The following NKAIN3 variants were observed in gnomAD, a reference collection of about 807,000 sequenced individuals.
NKAIN3 encodes sodium/potassium-transporting ATPase subunit beta-1-interacting protein 3.
In NKAIN3, 25 loss-of-function variants were observed where a neutral mutation model predicts 30.2. The observed-to-expected ratio is 0.83, with a 90% confidence interval of 0.60 to 1.16. The LOEUF (loss-of-function observed/expected upper bound fraction) is 1.16, where lower values mean the gene tolerates loss of function less well. Among genes scored for constraint, NKAIN3 ranks in the 50% most tolerant of loss-of-function variants. The probability of loss-of-function intolerance (pLI) is 0.00; values close to 1 mark genes in which losing one functional copy is unlikely to be tolerated. For synonymous variants in NKAIN3, 91 were observed against 89.6 expected (o/e 1.02, Z -0.09); for missense variants, 225 against 254.1 (o/e 0.89, Z 0.78).
chr8:62,800,776 G>A (rs1286630702), intron 4 of NKAIN3, among the ~76,000 whole-genome samples: 1 of 152,192 alleles, frequency 6.6e-6, no homozygotes, highest in African/African-American at 2.4e-5. Context: ...AGGTCAGTAG[G>A]TGCAGTGCAC....
rs111577491 is a variant in NKAIN3, at chr8:62,681,102, C to T, written c.274-65830C>T. On this transcript the variant is annotated intron_variant, in intron 3 of 6. Coordinates refer to ENST00000623646, the MANE Select transcript of NKAIN3 (RefSeq NM_001304533.3). The stretch of plus-strand genomic sequence containing the variant: ...GAATCATGCCATACCACACCTGAAT[C>T]GTCCCACTTGATTAGAGCAACCATT... Among the ~76,000 whole-genome samples, 442 of 152,248 alleles carry T rather than the reference C, an allele frequency of 2.9e-3. 4 individuals are homozygous for T. Among genetic ancestry groups the T allele is most frequent in the African/African-American group, 0.01 (422 of 41,542 alleles).
intron 5 of NKAIN3, among the ~76,000 whole-genome samples, chr8:62,944,947 A>G (rs553750338): frequency 2.6e-4 from 40 of 152,296 alleles, no homozygotes; most frequent in Non-Finnish European, 5.1e-4. Flanking sequence ...TTGTTCACAG[A>G]AAAAATACAA....
At chr8:62,790,797 C>T (rs1488778310) in intron 4 of NKAIN3, among the ~76,000 whole-genome samples, 1 of 152,022 alleles carries the variant, frequency 6.6e-6, no homozygotes, top group Non-Finnish European at 1.5e-5. Context: ...ATAAGTGCTA[C>T]TCACAGTGAT....
chr8:62,691,809 T>C (rs549725757), intron 3 of NKAIN3, among the ~76,000 whole-genome samples: 1 of 152,298 alleles, frequency 6.6e-6, no homozygotes, highest in South Asian at 2.1e-4. Context: ...AGCTATTTAA[T>C]GTGGCTGCAA....
At chr8:62,493,165 T>A (rs1363651534) in intron 1 of NKAIN3, among the ~76,000 whole-genome samples, 1 of 152,022 alleles carries the variant, frequency 6.6e-6, no homozygotes, top group East Asian at 1.9e-4. Flanking sequence ...TCTTCCAGGG[T>A]TTTTATAGTT....
chr8:62,929,569 G>A (rs990780334), intron 5 of NKAIN3, among the ~76,000 whole-genome samples: 4 of 152,076 alleles, frequency 2.6e-5, no homozygotes, highest in African/African-American at 9.7e-5. Context: ...AAAGTTTCAG[G>A]GAAACAGGTG....
intron 3 of NKAIN3, among the ~76,000 whole-genome samples, chr8:62,623,569 A>C (rs1364937998): frequency 6.6e-6 from 1 of 152,058 alleles, no homozygotes; most frequent in Non-Finnish European, 1.5e-5. Context: ...TGTTTTACTC[A>C]CTTATCCTCT....
At chr8:62,679,450 T>A (rs1341333702) in intron 3 of NKAIN3, among the ~76,000 whole-genome samples, 1 of 152,204 alleles carries the variant, frequency 6.6e-6, no homozygotes, top group African/African-American at 2.4e-5. Context: ...TTGGGACTTG[T>A]GAACATGTTG....
intron 3 of NKAIN3, among the ~76,000 whole-genome samples, chr8:62,677,345 C>T (rs1041329327): frequency 6.6e-6 from 1 of 152,232 alleles, no homozygotes; most frequent in African/African-American, 2.4e-5. Context: ...CAGAGTAATT[C>T]ATCAAGGCAA....
intron 3 of NKAIN3, among the ~76,000 whole-genome samples, chr8:62,705,176 G>A (rs1814479566): frequency 6.6e-6 from 1 of 152,112 alleles, no homozygotes; most frequent in Non-Finnish European, 1.5e-5. Context: ...TATTTGATAT[G>A]GATATGAATG....
chr8:62,419,346 C>A (rs578141849), intron 1 of NKAIN3, among the ~76,000 whole-genome samples: 1 of 152,094 alleles, frequency 6.6e-6, no homozygotes, highest in East Asian at 1.9e-4. Context: ...ATGCTATGTG[C>A]AATATCACAT....
intron 6 of NKAIN3, among the ~76,000 whole-genome samples, chr8:62,957,680 GA>G (rs1230336988): frequency 6.6e-6 from 1 of 152,100 alleles, no homozygotes; most frequent in African/African-American, 2.4e-5. Flanking sequence ...CAAAACTATG[GA>G]GACAGTACAC....
chr8:62,879,101 C>T (rs62510840), intron 4 of NKAIN3, among the ~76,000 whole-genome samples: 166 of 152,268 alleles, frequency 1.1e-3, no homozygotes, highest in Non-Finnish European at 1.8e-3. Context: ...ACTTCCACAA[C>T]GGTTGAACTA....
chr8:62,539,752 G>A lies in NKAIN3; in HGVS notation c.55-39787G>A, dbSNP rs1379468800. Among the ~76,000 whole-genome samples, 5 of 152,196 alleles carry A rather than the reference G, an allele frequency of 3.3e-5. No homozygotes were observed. The East Asian group carries it at 9.7e-4, about 29-fold the overall frequency. On this transcript the variant is annotated intron_variant, in intron 1 of 6. Coordinates refer to ENST00000623646, the MANE Select transcript of NKAIN3 (RefSeq NM_001304533.3). ...CTACAGGTGTGCACAACCACACCTG[G>A]CTAATTTTAGTAGAGACAAGGTATC... is the stretch of plus-strand genomic sequence containing the variant.
chr8:62,494,591 G>A (rs1005559598), intron 1 of NKAIN3, among the ~76,000 whole-genome samples: 4 of 152,134 alleles, frequency 2.6e-5, no homozygotes, highest in Admixed American at 2.6e-4. Context: ...CAGTAGGAAT[G>A]CTACCAGCTT....
At chr8:62,808,687 T>C (rs1818384654) in intron 4 of NKAIN3, among the ~76,000 whole-genome samples, 2 of 152,164 alleles carry the variant, frequency 1.3e-5, no homozygotes, top group South Asian at 4.1e-4. Context: ...GAATAGAGTG[T>C]GGGTCACAGA....
intron 3 of NKAIN3, among the ~76,000 whole-genome samples, chr8:62,690,548 T>G (rs200951463): frequency 1.3e-5 from 2 of 152,202 alleles, no homozygotes; most frequent in East Asian, 3.8e-4. Context: ...TATTCAGCAT[T>G]AGCGCCTCCG....
intron 4 of NKAIN3, among the ~76,000 whole-genome samples, chr8:62,906,380 A>C (rs568212933): frequency 6.6e-6 from 1 of 152,212 alleles, no homozygotes; most frequent in Non-Finnish European, 1.5e-5. Flanking sequence ...ATTAGAATAA[A>C]GCTCTGCACA....
rs1339778993 is a variant in NKAIN3 at position 62,886,543 on chromosome 8, A to T, written c.472-31910A>T. 5.3e-5 allele frequency among the ~76,000 whole-genome samples: 8 copies of T among 152,270 alleles called. No homozygotes were observed. The East Asian group carries it at 1.5e-3, about 29-fold the overall frequency. ...CTAAAGAATTTCTTGTCAACAAATT[A>T]TCTCAATTTTTTATTTTATAATAAA... On this transcript the variant is annotated intron_variant, in intron 4 of 6. Transcript: ENST00000623646.
Sources: allele counts gnomAD v4.1 joint callset (sites outside exome capture counted in the v4.1 genomes callset), GRCh38; gene constraint gnomAD v4.1.1; transcripts MANE v1.5; gene names NCBI Gene and HGNC (gene_info 2026-07-23, HGNC 2026-07-21).